PTPRN2: variants seen among roughly 807,000 people sequenced by gnomAD.
The protein encoded by PTPRN2 is receptor-type tyrosine-protein phosphatase N2.
Under a neutral mutation model 118.8 loss-of-function variants are expected in PTPRN2, and 74 were observed. That is an observed-to-expected ratio of 0.62 (90% CI 0.52 to 0.76). The LOEUF (loss-of-function observed/expected upper bound fraction) is 0.76. PTPRN2 is among the 30% of genes least tolerant of loss of function. PTPRN2 has a pLI of 0.00. For missense variants in PTPRN2, 1,481 were observed against 1,394.4 expected (o/e 1.06, Z -0.99); for synonymous variants, 641 against 608.0 (o/e 1.05, Z -0.80).
chr7:158,060,606 A>C (rs1272365795), intron 11 of PTPRN2, among the ~76,000 whole-genome samples: 1 of 152,238 alleles, frequency 6.6e-6, no homozygotes, highest in African/African-American at 2.4e-5. Flanking sequence ...ATTTCCAAAT[A>C]AGGCCAAATC....
At chr7:157,885,826 G>A (rs145917149) in intron 12 of PTPRN2, among the ~76,000 whole-genome samples, 11 of 152,296 alleles carry the variant, frequency 7.2e-5, no homozygotes, top group East Asian at 1.9e-4. Context: ...TGCTGGCACC[G>A]GCTGCCGGTT....
chr7:157,691,036 C>A (rs1450390769), intron 12 of PTPRN2, among the ~76,000 whole-genome samples: 1 of 143,426 alleles, frequency 7.0e-6, no homozygotes, highest in Non-Finnish European at 1.5e-5. Context: ...CGGCGCGGCT[C>A]GCGGCCCAGC....
chr7:157,832,643 G>A (rs1474660565), intron 12 of PTPRN2, among the ~76,000 whole-genome samples: 2 of 152,218 alleles, frequency 1.3e-5, no homozygotes, highest in Non-Finnish European at 2.9e-5. Flanking sequence ...GCACGTGTGG[G>A]GGAGGTGAGG....
rs1797437509 is a variant in PTPRN2 at position 157,690,754 on chromosome 7, C to T, written c.1789-7817G>A. ...GGGCGGCCGGAGGAGACAAAGGTGCCGCGCGTCGCTGCTCCAGCAGCAGCG... is the reference window on the plus strand; with the variant it reads ...GGGCGGCCGGAGGAGACAAAGGTGCTGCGCGTCGCTGCTCCAGCAGCAGCG... On this transcript the variant is annotated intron_variant, in intron 12 of 22. Transcript: ENST00000389418. The surrounding 1 kb of genome is among the most constrained non-coding windows in gnomAD (Gnocchi z 7.1). Among the ~76,000 whole-genome samples, 4 of 151,210 alleles carry T rather than the reference C, an allele frequency of 2.6e-5. No individual in the cohort carries two copies. The South Asian group carries it at 8.3e-4, about 31-fold the overall frequency.
chr7:157,827,647 G>A (rs1807273317), intron 12 of PTPRN2, among the ~76,000 whole-genome samples: 1 of 152,226 alleles, frequency 6.6e-6, no homozygotes, highest in Admixed American at 6.5e-5. Flanking sequence ...TCCGGCATTT[G>A]GGGGAACCCA....
intron 3 of PTPRN2, among the ~76,000 whole-genome samples, chr7:158,251,139 C>T (rs1265747675): frequency 6.6e-6 from 1 of 152,122 alleles, no homozygotes; most frequent in Non-Finnish European, 1.5e-5. Context: ...TTAGCAGGCT[C>T]TCAAGAACCA....
intron 11 of PTPRN2, among the ~76,000 whole-genome samples, chr7:158,048,753 C>T (rs1809079645): frequency 6.6e-6 from 1 of 150,834 alleles, no homozygotes; most frequent in African/African-American, 2.4e-5. Flanking sequence ...CTATCACCAA[C>T]ACCATCATCA....
At chr7:158,219,137 G>C (rs1452088553) in intron 3 of PTPRN2, among the ~76,000 whole-genome samples, 1 of 151,974 alleles carries the variant, frequency 6.6e-6, no homozygotes, top group Non-Finnish European at 1.5e-5. Context: ...ATCTGCACAT[G>C]ACACATACTC....
chr7:158,305,985 G>GCCCA (rs1182853432), intron 3 of PTPRN2, among the ~76,000 whole-genome samples: 1 of 152,074 alleles, frequency 6.6e-6, no homozygotes, highest in Non-Finnish European at 1.5e-5. Context: ...CACAGGGTGG[G>GCCCA]GTTAGAGTGC....
intron 10 of PTPRN2, among the ~76,000 whole-genome samples, chr7:158,108,679 A>G (rs1470429214): frequency 6.6e-6 from 1 of 152,106 alleles, no homozygotes; most frequent in Non-Finnish European, 1.5e-5. Flanking sequence ...TCAGATTTCT[A>G]CTTCTAGAAA....
chr7:158,230,642 C>T (rs1344673999), intron 3 of PTPRN2, among the ~76,000 whole-genome samples: 1 of 150,428 alleles, frequency 6.6e-6, no homozygotes, highest in Non-Finnish European at 1.5e-5. Flanking sequence ...AGTCTCATGG[C>T]AACTACAATA....
At chr7:158,324,068 C>T (rs929050412) in intron 2 of PTPRN2, among the ~76,000 whole-genome samples, 5 of 152,174 alleles carry the variant, frequency 3.3e-5, no homozygotes, top group African/African-American at 9.7e-5. Context: ...TGCACACACA[C>T]ACACACACAC....
intron 1 of PTPRN2, among the ~76,000 whole-genome samples, chr7:158,579,060 GC>G (rs1828496735): frequency 6.6e-6 from 1 of 152,156 alleles, no homozygotes; most frequent in Admixed American, 6.5e-5. Context: ...ACTGCGCCTG[GC>G]CAAGTCCCAC....
chr7:157,695,016 TATAA>T (rs1797696274), intron 12 of PTPRN2, among the ~76,000 whole-genome samples: 1 of 152,126 alleles, frequency 6.6e-6, no homozygotes, highest in Non-Finnish European at 1.5e-5. Context: ...AGCTACACAA[TATAA>T]ATAGTTTAAA....
chr7:158,458,291 G>A (rs544441705), intron 2 of PTPRN2, among the ~76,000 whole-genome samples: 71 of 152,274 alleles, frequency 4.7e-4, no homozygotes, highest in African/African-American at 1.5e-3. Context: ...TGGGCCGGGC[G>A]AGTGATCTGC....
chr7:157,866,413 T>C (rs1347907191), intron 12 of PTPRN2, among the ~76,000 whole-genome samples: 1 of 152,002 alleles, frequency 6.6e-6, no homozygotes, highest in Non-Finnish European at 1.5e-5. Flanking sequence ...CATACATACA[T>C]ATGCATGAGC....
Position 158,150,618 on chromosome 7 carries a change from C to T in PTPRN2, c.911-12103G>A, listed in dbSNP as rs376813778. ...GAAAGACCTTTTCTCCTTAAGATCT[C>T]GGTGTCATCTCCTGCCCCTCTAATT... is the stretch of plus-strand genomic sequence containing the variant. On this transcript the variant is annotated intron_variant, in intron 6 of 22. Transcript: ENST00000389418. Among the ~76,000 whole-genome samples the T allele has an allele frequency of 5.8e-4, 88 of 152,246 alleles. 1 individual carries two copies. Among genetic ancestry groups the T allele is most frequent in the Middle Eastern group, 3.4e-3 (1 of 294 alleles).
intron 11 of PTPRN2, among the ~76,000 whole-genome samples, chr7:158,009,197 C>T (rs1345929644): frequency 6.6e-6 from 1 of 152,110 alleles, no homozygotes; most frequent in Non-Finnish European, 1.5e-5. Flanking sequence ...AGACATTTCA[C>T]CATCTCACTC....
chr7:158,102,482 T>C lies in PTPRN2; in HGVS notation c.1643+8347A>G, dbSNP rs141061622. ...TGGTACCCAGGCTGCTTCTTTTCCA[T>C]GGCCCTCAAATGTCCCTGAGGACAA... On this transcript the variant is annotated intron_variant, in intron 10 of 22. Coordinates refer to ENST00000389418, the MANE Select transcript of PTPRN2 (RefSeq NM_002847.5). 5.2e-3 allele frequency among the ~76,000 whole-genome samples: 798 copies of C among 152,266 alleles called. 3 individuals are homozygous for C. Among genetic ancestry groups the C allele is most frequent in the African/African-American group, 0.018 (751 of 41,566 alleles).
Sources: allele counts gnomAD v4.1 joint callset (sites outside exome capture counted in the v4.1 genomes callset), GRCh38; gene constraint gnomAD v4.1.1; non-coding constraint Gnocchi (gnomAD v3.1); transcripts MANE v1.5; gene names NCBI Gene and HGNC (gene_info 2026-07-23, HGNC 2026-07-21).